MOK: variants seen among roughly 807,000 people sequenced by gnomAD.
MOK encodes the protein MAPK/MAK/MRK overlapping kinase.
In MOK, 59 loss-of-function variants were observed where a neutral mutation model predicts 54.2. That is an observed-to-expected ratio of 1.09 (90% CI 0.88 to 1.35). The LOEUF (loss-of-function observed/expected upper bound fraction) is 1.35, where lower values mean the gene tolerates loss of function less well. Among genes scored for constraint, MOK ranks in the 40% most tolerant of loss-of-function variants. The pLI, the probability that MOK is intolerant of heterozygous loss-of-function variation, is 0.00. For synonymous variants in MOK, 210 were observed against 202.7 expected, an observed-to-expected ratio of 1.04 and a Z score of -0.31; for missense variants, 517 against 526.2, an observed-to-expected ratio of 0.98 and a Z score of 0.17.
intron 7 of MOK, among the ~76,000 whole-genome samples, chr14:102,239,404 G>T (rs1041205220): frequency 4.6e-5 from 7 of 151,936 alleles, no homozygotes; most frequent in African/African-American, 1.7e-4. Context: ...CTCCTTCTGA[G>T]ACCCTTTCCT....
chr14:102,251,914 T>C lies in MOK; in HGVS notation c.362+3A>G, dbSNP rs1331427527. 1.3e-5 allele frequency: 21 copies of C among 1,594,674 alleles called. No individual in the cohort carries two copies. The highest frequency in any genetic ancestry group is 1.5e-5 in the Non-Finnish European group (18 of 1,165,234). ...CAGAGCTGTCAAATCTCCGAGAGCA[T>C]ACCTGTGAATATGATCCAGGGACTT... is the stretch of plus-strand genomic sequence containing the variant. On this transcript the variant is annotated splice_donor_region_variant and intron_variant, in intron 5 of 11. Transcript: ENST00000361847.
At chr14:102,246,097 A>C (rs181597976) in intron 7 of MOK, 1 of 152,346 alleles carries the variant, frequency 6.6e-6, no homozygotes, top group East Asian at 1.9e-4. Context: ...AACTCCTTCC[A>C]ATTGGAATAC....
chr14:102,228,074 G>A (rs2064325775), downstream of MOK, among the ~76,000 whole-genome samples: 1 of 152,236 alleles, frequency 6.6e-6, no homozygotes, highest in Admixed American at 6.5e-5. Context: ...CAGTGCCACG[G>A]TTTCTTTGCA....
the MOK span, among the ~76,000 whole-genome samples, chr14:102,217,388 T>G: frequency 1.3e-5 from 2 of 152,164 alleles, no homozygotes; most frequent in Admixed American, 6.5e-5. Flanking sequence ...GCGTGGTCTT[T>G]CCCCGGAAGT....
the MOK span, among the ~76,000 whole-genome samples, chr14:102,219,242 G>C: frequency 6.6e-6 from 1 of 152,220 alleles, no homozygotes; most frequent in Non-Finnish European, 1.5e-5. Context: ...ATTCTCTTTT[G>C]AATGGCGCTT....
intron 2 of MOK, among the ~76,000 whole-genome samples, chr14:102,276,299 A>G (rs1044089534): frequency 4.6e-5 from 7 of 151,250 alleles, no homozygotes; most frequent in African/African-American, 1.5e-4. Flanking sequence ...CCTGGCTAAC[A>G]TGGTGAAACC....
At chr14:102,237,791 G>A (rs1721030824) in intron 7 of MOK, among the ~76,000 whole-genome samples, 1 of 152,188 alleles carries the variant, frequency 6.6e-6, no homozygotes, top group Admixed American at 6.5e-5. Context: ...AACACAGTCA[G>A]AGGATGGCCA....
At chr14:102,265,702 A>G (rs1163119266) in intron 3 of MOK, 121 bp downstream of exon 3, 1 of 710,548 alleles carries the variant, frequency 1.4e-6, no homozygotes, top group Non-Finnish European at 2.3e-6. Flanking sequence ...AAGATGAAGT[A>G]AAAATGGTTA....
chr14:102,305,150 C>T lies in MOK; in HGVS notation c.-182G>A, dbSNP rs2072649628. The T allele has an allele frequency of 1.4e-6, 1 of 735,762 alleles. No individual in the cohort carries two copies. The highest frequency in any genetic ancestry group is 1.7e-5 in the African/African-American group (1 of 57,418). 45.6% of individuals were successfully genotyped at this position (735,762 alleles called of 1,614,324 possible). A position where few individuals can be genotyped will look rare whatever the true frequency, so the allele number is the denominator to read the frequency against. On this transcript the variant is annotated 5_prime_UTR_variant, in exon 1 of 12. Transcript: ENST00000361847. The stretch of plus-strand genomic sequence containing the variant: ...CCATGTTGTGTCCCTGTCACCCTAG[C>T]AACCGTCAGGCCCTGAACGCCATGA...
chr14:102,238,098 T>C lies in MOK; in HGVS notation c.591-4309A>G, dbSNP rs1201371202. 1 of 152,176 alleles carries C rather than the reference T, an allele frequency of 6.6e-6. No individual in the cohort carries two copies. Among genetic ancestry groups the C allele is most frequent in the Non-Finnish European group, 1.5e-5 (1 of 68,074 alleles). The allele number at this position is 152,176 out of a possible 1,614,324, so 9.4% of individuals were successfully genotyped here. A position where few individuals can be genotyped will look rare whatever the true frequency, so the allele number is the denominator to read the frequency against. ...ACCTGCAGCCACACTTTCCTAACAT[T>C]TCCTCCGAGCCTCTCACCAACCCCG... On this transcript the variant is annotated intron_variant, in intron 7 of 11. Transcript: ENST00000361847. This position sits in a 1 kb window ranked among gnomAD's most constrained non-coding sequence, Gnocchi z 4.8.
rs112965763 is a variant in MOK, at chr14:102,270,598, C to CA, written c.123-4687dup. On this transcript the variant is annotated intron_variant, in intron 2 of 11. Transcript: ENST00000361847. ...CCTGGGCAAGAGCAAGACTCCATCT[C>CA]AAAAAAAAAAAATTAAATAATAATA... Among the ~76,000 whole-genome samples, 94 of 130,816 alleles carry CA rather than the reference C, an allele frequency of 7.2e-4. 1 individual carries two copies. In the Middle Eastern group the frequency reaches 0.017, roughly 23 times the overall value. The allele number at this position is 130,816 out of a possible 152,430, so 85.8% of individuals were successfully genotyped here. A position where few individuals can be genotyped will look rare whatever the true frequency, so the allele number is the denominator to read the frequency against.
intron 1 of MOK, among the ~76,000 whole-genome samples, chr14:102,287,966 C>G (rs1256870869): frequency 6.6e-6 from 1 of 151,644 alleles, no homozygotes; most frequent in Non-Finnish European, 1.5e-5. Context: ...TCCCGAGTAG[C>G]TGGGATTACA....
At chr14:102,264,980 GGAA>G (rs1252246019) in intron 3 of MOK, among the ~76,000 whole-genome samples, 4 of 152,226 alleles carry the variant, frequency 2.6e-5, no homozygotes, top group African/African-American at 9.6e-5. Flanking sequence ...AGAGCTGTCA[GGAA>G]GAAGGCTTCC....
Position 102,260,004 on chromosome 14 carries a change from C to G in MOK, c.283+3542G>C, listed in dbSNP as rs149449908. On this transcript the variant is annotated intron_variant, in intron 4 of 11. Coordinates refer to ENST00000361847, the MANE Select transcript of MOK (RefSeq NM_014226.3). Reference sequence around the variant, plus strand: ...ACCAGCCTGACCAACATGGAAAAACCCCATCTCTACTAAAAATACAAAATT... The same window carrying G: ...ACCAGCCTGACCAACATGGAAAAACGCCATCTCTACTAAAAATACAAAATT... 1.5e-3 allele frequency among the ~76,000 whole-genome samples: 233 copies of G among 152,174 alleles called. 1 individual carries two copies. The highest frequency in any genetic ancestry group is 5.3e-3 in the African/African-American group (220 of 41,498).
downstream of MOK, chr14:102,222,777 G>C: frequency 1.9e-6 from 3 of 1,606,730 alleles, no homozygotes; most frequent in Non-Finnish European, 2.6e-6. The surrounding 1 kb of genome is among the most constrained non-coding windows in gnomAD (Gnocchi z 4.4). Context: ...GCGCATGGTG[G>C]CTGTTGCCCG....
chr14:102,297,821 G>C (rs1485196600), intron 1 of MOK, among the ~76,000 whole-genome samples: 1 of 152,196 alleles, frequency 6.6e-6, no homozygotes, highest in African/African-American at 2.4e-5. Context: ...GACGGGTTTA[G>C]CACCCGGGCC....
downstream of MOK, chr14:102,222,767 G>T (rs187506374): frequency 6.5e-5 from 103 of 1,586,194 alleles, no homozygotes; most frequent in African/African-American, 1.3e-3. The surrounding 1 kb of genome is among the most constrained non-coding windows in gnomAD (Gnocchi z 4.4). Context: ...GGCGGAGGGC[G>T]CGCATGGTGG....
At chr14:102,300,406 G>A (rs1342076203) in intron 1 of MOK, among the ~76,000 whole-genome samples, 3 of 150,072 alleles carry the variant, frequency 2.0e-5, no homozygotes, top group African/African-American at 7.4e-5. Context: ...AAAATTAGCT[G>A]GGCGAGGAGG....
intron 7 of MOK, among the ~76,000 whole-genome samples, chr14:102,248,918 G>A (rs1392633306): frequency 6.6e-6 from 1 of 152,016 alleles, no homozygotes; most frequent in Non-Finnish European, 1.5e-5. Flanking sequence ...GCCTGACTTT[G>A]GGTCTATTTT....
Sources: gnomAD v4.1 joint callset for allele counts (sites outside exome capture counted in the v4.1 genomes callset) on GRCh38, gnomAD v4.1.1 for gene constraint, Gnocchi (gnomAD v3.1) non-coding constraint, MANE v1.5 for transcripts, NCBI Gene and HGNC (gene_info 2026-07-23, HGNC 2026-07-21) for gene names.